STK33: variants seen among roughly 807,000 people sequenced by gnomAD.
STK33 encodes the protein serine/threonine kinase 33, also known as serine/threonine-protein kinase 33.
A neutral mutation model predicts 58.0 loss-of-function variants in STK33; 52 were observed. The observed-to-expected ratio is 0.90, with a 90% CI of 0.72 to 1.13. STK33 has a LOEUF of 1.13. Among genes scored for constraint, STK33 ranks in the 50% most tolerant of loss-of-function variants. STK33 has a pLI of 0.00. For synonymous variants in STK33, 215 were observed against 200.1 expected (o/e 1.07, Z -0.63); for missense variants, 630 against 604.2 (o/e 1.04, Z -0.45).
At chr11:8,437,880 T>C (rs903348230) in intron 12 of STK33, among the ~76,000 whole-genome samples, 1 of 152,232 alleles carries the variant, frequency 6.6e-6, no homozygotes, top group African/African-American at 2.4e-5. Context: ...TTTTAATACT[T>C]TTTATCTCTC....
intron 1 of STK33, among the ~76,000 whole-genome samples, chr11:8,557,586 C>T (rs770289973): frequency 6.6e-6 from 1 of 151,852 alleles, no homozygotes; most frequent in Non-Finnish European, 1.5e-5. Flanking sequence ...GAATAAGGAA[C>T]GGAACCTGGA....
At chr11:8,534,647 C>T (rs1591669514) in intron 1 of STK33, among the ~76,000 whole-genome samples, 1 of 149,496 alleles carries the variant, frequency 6.7e-6, no homozygotes, top group Non-Finnish European at 1.5e-5. Context: ...CAATTTGGAA[C>T]TCATTGTTCT....
chr11:8,536,716 T>C lies in STK33; in HGVS notation c.-465-56102A>G, dbSNP rs78983429. Among the ~76,000 whole-genome samples the C allele has an allele frequency of 3.8e-3, 577 of 152,248 alleles. 7 individuals carry two copies. The highest frequency in any genetic ancestry group is 0.013 in the African/African-American group (556 of 41,560). On this transcript the variant is annotated intron_variant, in intron 1 of 15. Coordinates refer to ENST00000687296, the MANE Select transcript of STK33 (RefSeq NM_001352389.2). ...AAATTTCATTTGGTTCTTCTTCATATCTTCTATTTCTATGCTGAAATGTCC... is the reference window on the plus strand; with the variant it reads ...AAATTTCATTTGGTTCTTCTTCATACCTTCTATTTCTATGCTGAAATGTCC...
the STK33 span, among the ~76,000 whole-genome samples, chr11:8,350,521 C>T: frequency 5.9e-5 from 9 of 152,194 alleles, no homozygotes; most frequent in African/African-American, 2.2e-4. Flanking sequence ...CAGCTCACAT[C>T]TCACCTTCCC....
chr11:8,452,716 A>T, intron 11 of STK33, 106 bp downstream of exon 11: 1 of 905,620 alleles, frequency 1.1e-6, no homozygotes. Flanking sequence ...TGAGCCCAGG[A>T]GGTCAAGGCT....
chr11:8,338,909 T>C, the STK33 span, among the ~76,000 whole-genome samples: 1 of 152,170 alleles, frequency 6.6e-6, no homozygotes, highest in Non-Finnish European at 1.5e-5. Context: ...TTAGTGGGTG[T>C]TTGTTGAATG....
At chr11:8,403,144 T>G (rs1590780119) in intron 15 of STK33, among the ~76,000 whole-genome samples, 1 of 152,254 alleles carries the variant, frequency 6.6e-6, no homozygotes, top group East Asian at 1.9e-4. Context: ...TGGGCATATA[T>G]TTACCAACCC....
In STK33 at chr11:8,515,568, G is replaced by A. The variant is rs374460502; in HGVS notation, c.-465-34954C>T. On this transcript the variant is annotated intron_variant, in intron 1 of 15. Coordinates refer to ENST00000687296, the MANE Select transcript of STK33 (RefSeq NM_001352389.2). ...CATGACAATATCTCTGATGAATACA[G>A]ATGTAAAAATTCTCAACAAAACACT... Among the ~76,000 whole-genome samples, 80 of 152,114 alleles carry A rather than the reference G, an allele frequency of 5.3e-4. 1 individual carries two copies. Among genetic ancestry groups the A allele is most frequent in the Non-Finnish European group, 8.2e-4 (56 of 68,012 alleles).
the STK33 span, among the ~76,000 whole-genome samples, chr11:8,352,183 C>T: frequency 1.1e-4 from 17 of 152,248 alleles, no homozygotes; most frequent in African/African-American, 4.1e-4. Context: ...TAGAAATAAG[C>T]CAGCAGGTGC....
intron 1 of STK33, among the ~76,000 whole-genome samples, chr11:8,513,965 A>G (rs552641048): frequency 6.6e-6 from 1 of 151,246 alleles, no homozygotes; most frequent in African/African-American, 2.4e-5. Flanking sequence ...CCCACCCCAC[A>G]CCACTACGCT....
the STK33 span, among the ~76,000 whole-genome samples, chr11:8,366,262 T>A: frequency 6.6e-6 from 1 of 152,144 alleles, no homozygotes; most frequent in African/African-American, 2.4e-5. Context: ...TGTCAGTCTG[T>A]CCCAGGCCAG....
rs914896685 is a variant in STK33, at chr11:8,440,728, G to C, written c.897C>G (p.Asp299Glu). 1.9e-6 allele frequency: 3 copies of C among 1,570,372 alleles called. No homozygotes were observed. The highest frequency in any genetic ancestry group is 2.7e-5 in the African/African-American group (2 of 74,166). ...YMAPEVISAH[D>E]YSQQCDIWSI... ...TCCAAATGTCACACTGCTGGCTATA[G>C]TCGTGGGCACTGATAACTTCAGGGG... Residue 299 changes from aspartate (D) to glutamate (E), a missense_variant, in exon 12 of 16, where the codon GAC becomes GAG. Physicochemically the swap from Asp to Glu is conservative, Grantham distance 45. Transcript: ENST00000687296.
intron 1 of STK33, among the ~76,000 whole-genome samples, chr11:8,520,094 A>G (rs1953256447): frequency 6.6e-6 from 1 of 152,238 alleles, no homozygotes; most frequent in South Asian, 2.1e-4. Flanking sequence ...AAAATCCTCA[A>G]TAAAATACTG....
At chr11:8,445,907 G>A (rs1396192575) in intron 11 of STK33, among the ~76,000 whole-genome samples, 1 of 152,172 alleles carries the variant, frequency 6.6e-6, no homozygotes, top group Admixed American at 6.6e-5. Context: ...AATGAGTTAG[G>A]GAGGAGTCCC....
intron 1 of STK33, among the ~76,000 whole-genome samples, chr11:8,536,939 A>T: frequency 8.8e-6 from 1 of 114,280 alleles, no homozygotes; most frequent in Non-Finnish European, 1.7e-5. Context: ...GCACTGCCAT[A>T]CCCAGCTAAT....
intron 1 of STK33, among the ~76,000 whole-genome samples, chr11:8,559,412 A>C (rs1394372125): frequency 6.6e-6 from 1 of 152,144 alleles, no homozygotes; most frequent in Non-Finnish European, 1.5e-5. Context: ...AACAGACTTC[A>C]TTTCATCTGG....
intron 14 of STK33, chr11:8,434,245 TCAA>T (rs1943775241): frequency 1.4e-5 from 1 of 71,962 alleles, no homozygotes; most frequent in Non-Finnish European, 2.4e-5. Flanking sequence ...AGACTCCGTC[TCAA>T]AAAAAAAAAA....
At chr11:8,388,966 G>A (rs186429208), downstream of STK33, among the ~76,000 whole-genome samples, 20 of 152,202 alleles carry the variant, frequency 1.3e-4, no homozygotes, top group East Asian at 3.9e-3. Context: ...GCCCTTTACT[G>A]TACTTTGGTA....
At chr11:8,568,077 A>C (rs1183438127) in intron 1 of STK33, among the ~76,000 whole-genome samples, 2 of 152,170 alleles carry the variant, frequency 1.3e-5, no homozygotes, top group Non-Finnish European at 2.9e-5. Context: ...ATGGTCTATA[A>C]TTCCAAGGTA....
Sources: gnomAD v4.1 joint callset for allele counts (sites outside exome capture counted in the v4.1 genomes callset) on GRCh38, gnomAD v4.1.1 for gene constraint, MANE v1.5 for transcripts, NCBI Gene and HGNC (gene_info 2026-07-23, HGNC 2026-07-21) for gene names.